BTAF1: variants seen among roughly 807,000 people sequenced by gnomAD.
The protein encoded by BTAF1 is TATA-binding protein-associated factor 172.
In BTAF1, 38 loss-of-function variants were observed where a neutral mutation model predicts 227.1. The observed-to-expected ratio is 0.17, with a 90% confidence interval of 0.13 to 0.22. The LOEUF (loss-of-function observed/expected upper bound fraction) is 0.22. BTAF1 is among the 10% of genes least tolerant of loss of function. BTAF1 has a pLI of 1.00. For synonymous variants in BTAF1, 742 were observed against 751.9 expected, an observed-to-expected ratio of 0.99 and a Z score of 0.21; for missense variants, 1,598 against 2,204.0, an observed-to-expected ratio of 0.73 and a Z score of 5.51.
In BTAF1 at chr10:91,964,067, G is replaced by C. The variant is rs73312394; in HGVS notation, c.1405-10G>C. ...AAATTGATAACTTTTCTTGAAAACT[G>C]ATCTTATAGGTGCCCTTCATTATAA... On this transcript the variant is annotated splice_polypyrimidine_tract_variant and intron_variant, in intron 12 of 37. Transcript: ENST00000265990. 1 of 1,608,826 alleles carries C rather than the reference G, an allele frequency of 6.2e-7. No homozygotes were observed. The highest frequency in any genetic ancestry group is 1.3e-5 in the African/African-American group (1 of 74,654).
Position 92,016,842 on chromosome 10 carries a change from C to T in BTAF1, c.4710+377C>T, listed in dbSNP as rs534594560. Among the ~76,000 whole-genome samples the T allele has an allele frequency of 3.9e-4, 59 of 152,074 alleles. No homozygotes were observed. The South Asian group carries it at 9.8e-3, about 25-fold the overall frequency. Reference sequence around the variant, plus strand: ...ACTTTTTATATGGAATAATAAAATACGGATCTATGTATATTTGTTTCAATA... The same window carrying T: ...ACTTTTTATATGGAATAATAAAATATGGATCTATGTATATTTGTTTCAATA... On this transcript the variant is annotated intron_variant, in intron 33 of 37. Coordinates refer to ENST00000265990, the MANE Select transcript of BTAF1 (RefSeq NM_003972.3).
rs540816045 is a variant in BTAF1, at chr10:91,949,784, T to G, written c.401-1619T>G. ...TCTTTTGGGGTTTTCCCTTTCTAACTTCCTGGGATTGTAATGGCCCCTAAC... is the reference window on the plus strand; with the variant it reads ...TCTTTTGGGGTTTTCCCTTTCTAACGTCCTGGGATTGTAATGGCCCCTAAC... On this transcript the variant is annotated intron_variant, in intron 4 of 37. Transcript: ENST00000265990. Among the ~76,000 whole-genome samples the G allele has an allele frequency of 2.6e-5, 4 of 152,210 alleles. No homozygotes were observed. In the South Asian group the frequency reaches 8.3e-4, roughly 32 times the overall value.
At chr10:91,957,322 A>G (rs1192341310) in intron 8 of BTAF1, 29 bp downstream of exon 8, 2 of 1,564,016 alleles carry the variant, frequency 1.3e-6, no homozygotes, top group African/African-American at 2.7e-5. Flanking sequence ...AGTTTTTCTC[A>G]GCTCTATTTT....
intron 25 of BTAF1, among the ~76,000 whole-genome samples, chr10:91,999,753 G>A (rs1849385396): frequency 6.6e-6 from 1 of 152,188 alleles, no homozygotes; most frequent in South Asian, 2.1e-4. Context: ...ATCATGGATA[G>A]TAGATATGTA....
chr10:91,939,507 C>T (rs563338158), intron 2 of BTAF1, among the ~76,000 whole-genome samples: 9 of 152,276 alleles, frequency 5.9e-5, no homozygotes, highest in Middle Eastern at 3.4e-3. Context: ...GGCGCCATCT[C>T]GGCTCACTGC....
At chr10:91,997,979 T>C (rs1849251314) in intron 25 of BTAF1, among the ~76,000 whole-genome samples, 1 of 151,822 alleles carries the variant, frequency 6.6e-6, no homozygotes, top group Non-Finnish European at 1.5e-5. Flanking sequence ...CAAAAACAGT[T>C]AGCTGGGCAT....
chr10:91,962,917 A>G (rs927165752), intron 12 of BTAF1, among the ~76,000 whole-genome samples: 2 of 152,034 alleles, frequency 1.3e-5, no homozygotes, highest in African/African-American at 4.8e-5. Flanking sequence ...AGAAGAATGC[A>G]GCCATTTCTT....
intron 4 of BTAF1, among the ~76,000 whole-genome samples, chr10:91,945,957 T>C (rs1268327738): frequency 6.6e-6 from 1 of 152,234 alleles, no homozygotes; most frequent in Non-Finnish European, 1.5e-5. Context: ...TTATTTTCTG[T>C]TTTTTGATAG....
chr10:91,955,508 G>C (rs1263428910), intron 6 of BTAF1, among the ~76,000 whole-genome samples: 1 of 152,030 alleles, frequency 6.6e-6, no homozygotes, highest in African/African-American at 2.4e-5. Context: ...AAACAGGGAA[G>C]GAACATGTGA....
Position 91,953,668 on chromosome 10 carries a change from TG to T in BTAF1, c.565-68del, listed in dbSNP as rs1845912565. 2.6e-6 allele frequency: 4 copies of T among 1,530,092 alleles called. No homozygotes were observed. The African/African-American group carries it at 5.6e-5, about 21-fold the overall frequency. 94.8% of individuals were successfully genotyped at this position (1,530,092 alleles called of 1,614,324 possible). ...GAAATTTATAGACTTGGTCTTCTTC[TG>T]AGGCTGAGACTATAGGTACTTATTT... On this transcript the variant is annotated intron_variant, in intron 5 of 37. Transcript: ENST00000265990.
intron 1 of BTAF1, among the ~76,000 whole-genome samples, chr10:91,930,227 A>G (rs551960234): frequency 1.3e-5 from 2 of 152,278 alleles, no homozygotes; most frequent in Non-Finnish European, 2.9e-5. Context: ...AGTATGTACT[A>G]TGTTTTGTCA....
At chr10:91,996,239 T>G in intron 23 of BTAF1, 130 bp from the exon 24 acceptor site, 1 of 716,424 alleles carries the variant, frequency 1.4e-6, no homozygotes, top group Admixed American at 2.8e-5. Flanking sequence ...GCAGTAATGT[T>G]TTGAAGTATT....
intron 1 of BTAF1, among the ~76,000 whole-genome samples, chr10:91,928,715 G>A (rs546304537): frequency 3.3e-5 from 5 of 149,956 alleles, no homozygotes; most frequent in South Asian, 4.2e-4. Context: ...CAACCTTTGC[G>A]ATCGCAGCAC....
At chr10:92,027,521 G>T (rs1281606045) in intron 37 of BTAF1, among the ~76,000 whole-genome samples, 1 of 152,028 alleles carries the variant, frequency 6.6e-6, no homozygotes, top group Non-Finnish European at 1.5e-5. Flanking sequence ...TTGCCACAAG[G>T]TTTCTTTCCT....
In BTAF1 at chr10:91,991,271, A is replaced by AATATAT. The variant is rs3980612; in HGVS notation, c.2855-832_2855-827dup. On this transcript the variant is annotated intron_variant, in intron 20 of 37. Coordinates refer to ENST00000265990, the MANE Select transcript of BTAF1 (RefSeq NM_003972.3). ...AAAAAAATATATAAATATAAATATA[A>AATATAT]ATATATATATATATATATATAAATT... 1.1e-3 allele frequency among the ~76,000 whole-genome samples: 73 copies of AATATAT among 66,228 alleles called. 1 individual carries two copies. The highest frequency in any genetic ancestry group is 2.3e-3 in the African/African-American group (65 of 27,926). 43.4% of individuals were successfully genotyped at this position (66,228 alleles called of 152,430 possible).
intron 14 of BTAF1, among the ~76,000 whole-genome samples, chr10:91,970,032 C>T (rs1167669117): frequency 6.7e-6 from 1 of 149,388 alleles, no homozygotes; most frequent in East Asian, 1.9e-4. Flanking sequence ...TTTAAAATTT[C>T]CTGGTTGTGA....
intron 14 of BTAF1, among the ~76,000 whole-genome samples, chr10:91,976,665 GA>G (rs563665865): frequency 1.3e-5 from 2 of 151,950 alleles, no homozygotes; most frequent in Admixed American, 6.6e-5. Context: ...ACAAAATGCT[GA>G]AAAAAAATTT....
chr10:92,007,935 A>G (rs1183639409), intron 25 of BTAF1, among the ~76,000 whole-genome samples, 188 bp from the exon 26 acceptor site: 1 of 152,228 alleles, frequency 6.6e-6, no homozygotes, highest in African/African-American at 2.4e-5. Context: ...CAGATATTCC[A>G]TATGTATTTA....
intron 34 of BTAF1, among the ~76,000 whole-genome samples, chr10:92,020,626 G>T (rs917600339): frequency 1.3e-5 from 2 of 152,044 alleles, no homozygotes; most frequent in African/African-American, 4.8e-5. Flanking sequence ...AACGTAAAAT[G>T]GACTATGAAC....
Sources: gnomAD v4.1 joint callset for allele counts (sites outside exome capture counted in the v4.1 genomes callset) on GRCh38, gnomAD v4.1.1 for gene constraint, MANE v1.5 for transcripts, NCBI Gene and HGNC (gene_info 2026-07-23, HGNC 2026-07-21) for gene names.